Variants in VWA8 observed in about 807,000 individuals in gnomAD.
VWA8 encodes von Willebrand factor A domain containing 8, also known as von Willebrand factor A domain-containing protein 8.
Under a neutral mutation model 241.5 loss-of-function variants are expected in VWA8, and 221 were observed. The observed-to-expected ratio is 0.91, with a 90% confidence interval of 0.82 to 1.02. The LOEUF (loss-of-function observed/expected upper bound fraction) is 1.02, where lower values mean the gene tolerates loss of function less well. Ranked by LOEUF, VWA8 falls within the 50% of genes least tolerant of loss-of-function variation. VWA8 has a pLI of 0.00. For missense variants in VWA8, 2,322 were observed against 2,328.7 expected, an observed-to-expected ratio of 1.00 and a Z score of 0.06; for synonymous variants, 852 against 827.1, an observed-to-expected ratio of 1.03 and a Z score of -0.52.
At chr13:41,647,921 A>G (rs1032658231) in intron 37 of VWA8, among the ~76,000 whole-genome samples, 1 of 152,154 alleles carries the variant, frequency 6.6e-6, no homozygotes, top group Non-Finnish European at 1.5e-5. Flanking sequence ...CCCGGGAGGC[A>G]GAGGTTGCAG....
intron 4 of VWA8, among the ~76,000 whole-genome samples, chr13:41,892,099 C>T (rs1466064834): frequency 6.6e-6 from 1 of 152,132 alleles, no homozygotes; most frequent in African/African-American, 2.4e-5. Flanking sequence ...ACATTACACA[C>T]TTAGAAACAG....
chr13:41,960,972 C>T lies in VWA8; in HGVS notation c.44G>A (p.Gly15Asp). The change falls in exon 1 of 45, where the codon GGC becomes GAC. Residue 15 changes from glycine to aspartate, a missense_variant. Gly to Asp is a moderately conservative substitution (Grantham distance 94). Coordinates refer to ENST00000379310, the MANE Select transcript of VWA8 (RefSeq NM_015058.2). ...LLLLGAPGGH[G>D]GPASRRMRLL... ...CCGCATGCGCCGCGAGGCCGGGCCGCCGTGGCCTCCGGGTGCCCCGAGGAG... is the reference window on the plus strand; with the variant it reads ...CCGCATGCGCCGCGAGGCCGGGCCGTCGTGGCCTCCGGGTGCCCCGAGGAG... 1 of 1,431,266 alleles carries T rather than the reference C, an allele frequency of 7.0e-7. No individual in the cohort carries two copies. Among genetic ancestry groups the T allele is most frequent in the Non-Finnish European group, 9.1e-7 (1 of 1,101,352 alleles). The allele number at this position is 1,431,266 out of a possible 1,614,324, so 88.7% of individuals were successfully genotyped here.
intron 18 of VWA8, 25 bp from the exon 19 acceptor site, chr13:41,783,926 A>C: frequency 2.5e-6 from 4 of 1,578,960 alleles, no homozygotes; most frequent in Non-Finnish European, 3.5e-6. Context: ...CAGGACGGAT[A>C]ATTATTCATA....
intron 12 of VWA8, among the ~76,000 whole-genome samples, chr13:41,837,869 T>A (rs1468403762): frequency 1.3e-5 from 2 of 152,170 alleles, no homozygotes; most frequent in African/African-American, 2.4e-5. Flanking sequence ...GCACTAATGA[T>A]ATCATAGAGC....
intron 16 of VWA8, among the ~76,000 whole-genome samples, chr13:41,815,849 C>A (rs1312183861): frequency 6.6e-6 from 1 of 152,160 alleles, no homozygotes; most frequent in Non-Finnish European, 1.5e-5. Flanking sequence ...ATTATGAAAT[C>A]CACTACTAGG....
intron 39 of VWA8, among the ~76,000 whole-genome samples, chr13:41,610,334 C>T (rs1333618828): frequency 6.6e-6 from 1 of 152,228 alleles, no homozygotes; most frequent in Non-Finnish European, 1.5e-5. Context: ...TACCTGTTCT[C>T]ATAACCTCCC....
At chr13:41,842,655 A>G (rs1872111659) in intron 12 of VWA8, among the ~76,000 whole-genome samples, 1 of 152,254 alleles carries the variant, frequency 6.6e-6, no homozygotes, top group African/African-American at 2.4e-5. Flanking sequence ...ACATCTTAAT[A>G]AAGATGCAAA....
chr13:41,651,933 A>C (rs1269806446), intron 37 of VWA8, among the ~76,000 whole-genome samples: 2 of 152,182 alleles, frequency 1.3e-5, no homozygotes, highest in Non-Finnish European at 2.9e-5. Flanking sequence ...CATCCCACAA[A>C]TGTGTGTACT....
At chr13:41,649,084 C>T (rs2044852148) in intron 37 of VWA8, among the ~76,000 whole-genome samples, 1 of 152,138 alleles carries the variant, frequency 6.6e-6, no homozygotes, top group South Asian at 2.1e-4. Context: ...ACTTGGGAGG[C>T]TGAGGCACGA....
Position 41,887,162 on chromosome 13 carries a change from T to C in VWA8, c.816+35A>G, listed in dbSNP as rs776596660. The C allele has an allele frequency of 3.8e-6, 6 of 1,587,230 alleles. No homozygotes were observed. In the South Asian group the frequency reaches 7.0e-5, roughly 19 times the overall value. On this transcript the variant is annotated intron_variant, in intron 6 of 44. Transcript: ENST00000379310. Reference sequence around the variant, plus strand: ...AAGTTCTTGTTATAAATAGAAAAACTGTTTAACAAATAAATTATCCTTGGT... The same window carrying C: ...AAGTTCTTGTTATAAATAGAAAAACCGTTTAACAAATAAATTATCCTTGGT...
rs749994738 is a variant in VWA8 at position 41,891,496 on chromosome 13, A to C, written c.575T>G (p.Leu192Trp). 1.9e-5 allele frequency: 31 copies of C among 1,614,110 alleles called. No homozygotes were observed. The highest frequency in any genetic ancestry group is 2.6e-5 in the Non-Finnish European group (31 of 1,180,042). ...ERNVLPVLNN[L>W]LENREMQLED... The stretch of plus-strand genomic sequence containing the variant: ...AAGCTGCATCTCTCTGTTTTCCAGC[A>C]AGTTGTTCAAAACAGGCAAAACATT... The change falls in exon 5 of 45, where the codon TTG becomes TGG. Residue 192 changes from leucine to tryptophan, a missense_variant. Coordinates refer to ENST00000379310, the MANE Select transcript of VWA8 (RefSeq NM_015058.2).
intron 21 of VWA8, among the ~76,000 whole-genome samples, chr13:41,760,294 C>T (rs1245703687): frequency 6.6e-6 from 1 of 151,800 alleles, no homozygotes; most frequent in East Asian, 1.9e-4. Flanking sequence ...CACCATATCT[C>T]AGCTTTCCCT....
intron 21 of VWA8, among the ~76,000 whole-genome samples, chr13:41,754,834 CAAAT>C (rs2045682491): frequency 6.6e-6 from 1 of 151,968 alleles, no homozygotes; most frequent in Non-Finnish European, 1.5e-5. Flanking sequence ...TTAGCTCTTA[CAAAT>C]AAGTGAAAAC....
At chr13:41,862,991 CTGAG>C (rs766137133) in intron 12 of VWA8, among the ~76,000 whole-genome samples, 2 of 152,228 alleles carry the variant, frequency 1.3e-5, no homozygotes, top group East Asian at 3.9e-4. Context: ...ATGGTTAATA[CTGAG>C]TGTCAACTTG....
chr13:41,732,170 A>G lies in VWA8; in HGVS notation c.2427-15T>C, dbSNP rs369176033. ...CTGTGGTATCCCTAAAGTAAAACCA[A>G]CACATTTTATAGTTAGGAAGGAAAT... On this transcript the variant is annotated splice_polypyrimidine_tract_variant and intron_variant, in intron 21 of 44. Transcript: ENST00000379310. 1.1e-5 allele frequency: 17 copies of G among 1,604,596 alleles called. No individual in the cohort carries two copies. Among genetic ancestry groups the G allele is most frequent in the Non-Finnish European group, 1.4e-5 (17 of 1,174,246 alleles).
chr13:41,571,347 GTCTCCC>G (rs1287347265), intron 43 of VWA8, among the ~76,000 whole-genome samples: 6 of 104,512 alleles, frequency 5.7e-5, no homozygotes, highest in African/African-American at 2.0e-4. Context: ...TCCCTCTCCC[GTCTCCC>G]TCTCCCTCTC....
At chr13:41,860,393 T>C (rs1463131334) in intron 12 of VWA8, among the ~76,000 whole-genome samples, 1 of 152,156 alleles carries the variant, frequency 6.6e-6, no homozygotes, top group Non-Finnish European at 1.5e-5. Flanking sequence ...GAAACTTATG[T>C]GCCTTTCAAT....
intron 40 of VWA8, among the ~76,000 whole-genome samples, chr13:41,599,934 C>T (rs780687503): frequency 3.3e-5 from 5 of 152,200 alleles, no homozygotes; most frequent in East Asian, 1.9e-4. Context: ...GCCTCCCTAG[C>T]GCTGCTGCTT....
At chr13:41,712,738 C>G (rs1387820211) in intron 26 of VWA8, among the ~76,000 whole-genome samples, 1 of 152,104 alleles carries the variant, frequency 6.6e-6, no homozygotes. Flanking sequence ...TTTAAGGTCT[C>G]TTGAATTTCC....
Sources: allele counts gnomAD v4.1 joint callset (sites outside exome capture counted in the v4.1 genomes callset), GRCh38; gene constraint gnomAD v4.1.1; transcripts MANE v1.5; gene names NCBI Gene and HGNC (gene_info 2026-07-23, HGNC 2026-07-21).